The following GPD2 variants were observed in gnomAD, a reference collection of about 807,000 sequenced individuals.
GPD2 encodes the protein glycerol-3-phosphate dehydrogenase, mitochondrial.
In GPD2, 54 loss-of-function variants were observed where a neutral mutation model predicts 82.4. That is an observed-to-expected ratio of 0.66 (90% CI 0.53 to 0.82). GPD2 has a LOEUF of 0.82. Among genes scored for constraint, GPD2 ranks in the 40% least tolerant of loss-of-function variants. GPD2 has a pLI of 0.00. For synonymous variants in GPD2, 288 were observed against 306.1 expected (o/e 0.94, Z 0.62); for missense variants, 748 against 896.2 (o/e 0.83, Z 2.11).
chr2:156,459,690 A>AAAAAAAAAAAAAAC, intron 1 of GPD2, among the ~76,000 whole-genome samples: 1 of 134,974 alleles, frequency 7.4e-6, no homozygotes, highest in Non-Finnish European at 1.6e-5. Context: ...CCGTCTCAAA[A>AAAAAAAAAAAAAAC]AAAAAAAAAA....
chr2:156,510,884 T>A lies in GPD2; in HGVS notation c.363T>A (p.Tyr121Ter). 1 of 1,613,432 alleles carries A rather than the reference T, an allele frequency of 6.2e-7. No homozygotes were observed. Among genetic ancestry groups the A allele is most frequent in the Non-Finnish European group, 8.5e-7 (1 of 1,179,332 alleles). The change falls in exon 4 of 17, where the codon TAT (tyrosine) becomes TAA (stop). Residue 121 changes from tyrosine to a stop codon, truncating the protein, a stop_gained. Coordinates refer to ENST00000438166, the MANE Select transcript of GPD2 (RefSeq NM_000408.5). LOFTEE classifies it high-confidence loss of function. ...STKLIHGGVR[Y>*]LQKAIMKLDI... ...AATTGATCCATGGTGGTGTGAGATA[T>A]CTGCAGAAGGCCATCATGAAGTTGG...
the GPD2 span, among the ~76,000 whole-genome samples, chr2:156,403,290 G>A: frequency 4.6e-5 from 7 of 151,850 alleles, no homozygotes; most frequent in East Asian, 1.9e-4. Flanking sequence ...CTCATTTTTC[G>A]TTCCAAATTG....
intron 2 of GPD2, among the ~76,000 whole-genome samples, chr2:156,480,969 G>A (rs996449406): frequency 6.6e-6 from 1 of 151,330 alleles, no homozygotes; most frequent in Non-Finnish European, 1.5e-5. Context: ...TCTTTTTAAT[G>A]GGAGGAATTA....
intron 13 of GPD2, among the ~76,000 whole-genome samples, chr2:156,574,841 A>G (rs561508879): frequency 5.9e-5 from 9 of 152,212 alleles, no homozygotes; most frequent in Non-Finnish European, 1.2e-4. Context: ...GAAAAAAACA[A>G]AAGCAAATAA....
At chr2:156,475,261 T>TACC (rs1327855907) in intron 1 of GPD2, among the ~76,000 whole-genome samples, 2 of 152,202 alleles carry the variant, frequency 1.3e-5, no homozygotes, top group Non-Finnish European at 2.9e-5. Context: ...TGAAAGGAAT[T>TACC]ACAGCAGGTT....
chr2:156,517,461 T>C (rs1448772957), intron 6 of GPD2, among the ~76,000 whole-genome samples: 1 of 152,238 alleles, frequency 6.6e-6, no homozygotes, highest in Non-Finnish European at 1.5e-5. Flanking sequence ...GTAAATGACA[T>C]ACCAGTTTTT....
chr2:156,473,980 AGAC>A (rs1683419993), intron 1 of GPD2, among the ~76,000 whole-genome samples: 1 of 152,172 alleles, frequency 6.6e-6, no homozygotes, highest in African/African-American at 2.4e-5. Context: ...AGTAAAGAAG[AGAC>A]CTCCAGCAGC....
chr2:156,471,971 A>G (rs1452590387), intron 1 of GPD2, among the ~76,000 whole-genome samples: 2 of 152,236 alleles, frequency 1.3e-5, no homozygotes, highest in Admixed American at 6.5e-5. Context: ...GTCTATGTCA[A>G]TGCAGCAGCT....
chr2:156,425,870 C>T, the GPD2 span, among the ~76,000 whole-genome samples: 1 of 151,860 alleles, frequency 6.6e-6, no homozygotes, highest in Non-Finnish European at 1.5e-5. Flanking sequence ...AGCATATACT[C>T]CTTGTATTAG....
At chr2:156,580,025 T>C (rs538079878) in intron 16 of GPD2, among the ~76,000 whole-genome samples, 16 of 152,362 alleles carry the variant, frequency 1.1e-4, no homozygotes, top group African/African-American at 3.8e-4. Context: ...TTGGGCAATT[T>C]AGATTAAATC....
chr2:156,573,416 G>A (rs1010981314), intron 13 of GPD2, among the ~76,000 whole-genome samples: 3 of 152,240 alleles, frequency 2.0e-5, no homozygotes, highest in South Asian at 4.2e-4. Context: ...CTAAAGCTCC[G>A]TACAGAGGCA....
intron 2 of GPD2, among the ~76,000 whole-genome samples, chr2:156,489,988 A>G (rs573759596): frequency 6.6e-6 from 1 of 151,300 alleles, no homozygotes; most frequent in African/African-American, 2.4e-5. Flanking sequence ...CTCCCAGTTA[A>G]TATAGGGCCT....
At chr2:156,488,643 A>T (rs1341498503) in intron 2 of GPD2, among the ~76,000 whole-genome samples, 2 of 151,958 alleles carry the variant, frequency 1.3e-5, no homozygotes, top group African/African-American at 4.8e-5. Context: ...TTGCAAGTCT[A>T]ATGATATACA....
rs190392773 is a variant in GPD2, at chr2:156,559,069, T to C, written c.1165+1487T>C. Among the ~76,000 whole-genome samples the C allele has an allele frequency of 2.7e-4, 41 of 152,300 alleles. No homozygotes were observed. In the East Asian group the frequency reaches 6.6e-3, roughly 24 times the overall value. ...GTTGAATCTTCGTGTCTAATTTAGG[T>C]TGAAGCCTTGCTCTGGGACACCCTT... On this transcript the variant is annotated intron_variant, in intron 9 of 16. Coordinates refer to ENST00000438166, the MANE Select transcript of GPD2 (RefSeq NM_000408.5).
chr2:156,499,355 G>A (rs1684502788), intron 3 of GPD2, among the ~76,000 whole-genome samples: 1 of 151,970 alleles, frequency 6.6e-6, no homozygotes, highest in Non-Finnish European at 1.5e-5. Flanking sequence ...AGAACTGAGT[G>A]GATATCAATG....
chr2:156,515,762 A>G (rs1573951810), intron 6 of GPD2, among the ~76,000 whole-genome samples: 4 of 152,262 alleles, frequency 2.6e-5, no homozygotes, highest in Admixed American at 2.6e-4. Context: ...AAAAATAAGT[A>G]TATTCTACTC....
chr2:156,568,098 G>T (rs1687456972), intron 9 of GPD2, among the ~76,000 whole-genome samples: 1 of 152,172 alleles, frequency 6.6e-6, no homozygotes, highest in African/African-American at 2.4e-5. Context: ...TAAGAGGTAA[G>T]AATATGGACC....
At chr2:156,575,075 C>T (rs1687767617) in intron 13 of GPD2, among the ~76,000 whole-genome samples, 1 of 152,058 alleles carries the variant, frequency 6.6e-6, no homozygotes, top group Non-Finnish European at 1.5e-5. Flanking sequence ...AAAATTATAC[C>T]TTAGAGTACT....
At chr2:156,507,326 CTTTT>C (rs11334405) in intron 3 of GPD2, among the ~76,000 whole-genome samples, 1 of 142,624 alleles carries the variant, frequency 7.0e-6, no homozygotes, top group Admixed American at 7.0e-5. Flanking sequence ...TTTTTCTTTT[CTTTT>C]TTTTTTTTTG....
Sources: gnomAD v4.1 joint callset for allele counts (sites outside exome capture counted in the v4.1 genomes callset) on GRCh38, gnomAD v4.1.1 for gene constraint, MANE v1.5 for transcripts, NCBI Gene and HGNC (gene_info 2026-07-23, HGNC 2026-07-21) for gene names.